The following USHBP1 variants were observed in gnomAD, a reference collection of about 807,000 sequenced individuals.
USHBP1 encodes harmonin-binding protein USHBP1.
USHBP1 carries 67 observed loss-of-function variants against 76.2 expected under a neutral mutation model. That is an observed-to-expected ratio of 0.88 (90% CI 0.72 to 1.08). The LOEUF is 1.08. USHBP1 is among the 50% of genes least tolerant of loss of function. The pLI, the probability that USHBP1 is intolerant of heterozygous loss-of-function variation, is 0.00. For missense variants in USHBP1, 931 were observed against 915.0 expected (o/e 1.02, Z -0.23); for synonymous variants, 322 against 362.2 (o/e 0.89, Z 1.26).
At position 17,256,708 on chromosome 19, in the gene USHBP1, G is replaced by A; in HGVS notation, c.1233C>T (p.Ser411=). 1.2e-6 allele frequency: 2 copies of A among 1,614,150 alleles called. No homozygotes were observed. Among genetic ancestry groups the A allele is most frequent in the Non-Finnish European group, 1.7e-6 (2 of 1,180,020 alleles). ...QQNPQPSPEG[S]SVDKPTPQEV... ...CCTGTGGGGTGGGCTTATCCACACT[G>A]CTGCCTTCAGGGCTATAGAAAACAG... The change falls in exon 9 of 13, where the codon AGC becomes AGT. Residue 411 remains serine (S), a synonymous_variant. Transcript: ENST00000252597.
Position 17,250,432 on chromosome 19 carries a change from C to T in USHBP1, c.1923-18G>A. ...CCAGGGCGCTGGAAGGGGTGGGTGG[C>T]TGGGTCAGGAAACAGCCCCCGAGTC... On this transcript the variant is annotated intron_variant, in intron 12 of 12. Coordinates refer to ENST00000252597, the MANE Select transcript of USHBP1 (RefSeq NM_031941.4). The T allele has an allele frequency of 6.2e-7, 1 of 1,607,186 alleles. No homozygotes were observed. Among genetic ancestry groups the T allele is most frequent in the Non-Finnish European group, 8.5e-7 (1 of 1,178,986 alleles).
intron 12 of USHBP1, 48 bp downstream of exon 12, chr19:17,251,534 G>C (rs201713430): frequency 9.4e-5 from 152 of 1,608,770 alleles, no homozygotes; most frequent in Middle Eastern, 3.3e-4. Flanking sequence ...CTGATATCCT[G>C]GTGGGGGATG....
Position 17,260,043 on chromosome 19 carries a change from G to A in USHBP1, c.643-21C>T, listed in dbSNP as rs375457161. On this transcript the variant is annotated intron_variant, in intron 4 of 12. Coordinates refer to ENST00000252597, the MANE Select transcript of USHBP1 (RefSeq NM_031941.4). ...TGAACCTGGGAAAGATGAGGGGGAC[G>A]TCAGGCCTAGGGGCTCAAACCAACC... 2.3e-5 allele frequency: 37 copies of A among 1,607,982 alleles called. No individual in the cohort carries two copies. The East Asian group carries it at 4.5e-4, about 19-fold the overall frequency.
At position 17,255,501 on chromosome 19, in the gene USHBP1, G is replaced by A. The variant is rs1335842209; in HGVS notation, c.1576C>T (p.Leu526Phe). The part of the protein sequence containing the change: ...ALRALGPAHV[L>F]LLEQLRWERA... ...TCCCACCGCAGCTGCTCCAGCAGGA[G>A]CACGTGAGCTGGACCCAGGGCTCGG... Residue 526 changes from leucine to phenylalanine, a missense_variant, in exon 10 of 13, where the codon CTC (leucine) becomes TTC (phenylalanine). Transcript: ENST00000252597. The A allele has an allele frequency of 1.2e-6, 2 of 1,613,830 alleles. No individual in the cohort carries two copies. The highest frequency in any genetic ancestry group is 1.7e-6 in the Non-Finnish European group (2 of 1,179,908).
In USHBP1 at chr19:17,250,303, C is replaced by T. The variant is rs1398755429; in HGVS notation, c.2034G>A (p.Val678=). The T allele has an allele frequency of 6.2e-7, 1 of 1,613,370 alleles. No individual in the cohort carries two copies. The highest frequency in any genetic ancestry group is 1.3e-5 in the African/African-American group (1 of 74,920). ...MEAQQAEEVA[V]LEATARALGK... ...CCAGGGCCCTTGCAGTGGCTTCGAG[C>T]ACCGCCACCTCCTCGGCCTGCTGAG... Residue 678 remains valine (V), a synonymous_variant, in exon 13 of 13, where the codon GTG becomes GTA. Coordinates refer to ENST00000252597, the MANE Select transcript of USHBP1 (RefSeq NM_031941.4).
intron 10 of USHBP1, among the ~76,000 whole-genome samples, chr19:17,254,823 G>A (rs1001445109): frequency 3.3e-5 from 5 of 152,098 alleles, no homozygotes; most frequent in South Asian, 2.1e-4. Flanking sequence ...ACAGGAAACC[G>A]CATCTGAAGT....
chr19:17,256,521 G>C lies in USHBP1; in HGVS notation c.1420C>G (p.Leu474Val). The change falls in exon 9 of 13, where the codon CTT (leucine) becomes GTT (valine). Residue 474 changes from leucine (L) to valine (V), a missense_variant. Leu to Val is a conservative substitution (Grantham distance 32, BLOSUM62 1). Transcript: ENST00000252597. ...ATTTGTGTCTTCTCCAGTCGGGGAA[G>C]AGCTGGGCCAGCCTGGGTCCCCAGA... ...AILGTQAGPA[L>V]PRLEKTQIQQ... The C allele has an allele frequency of 6.2e-7, 1 of 1,614,070 alleles. No individual in the cohort carries two copies. Among genetic ancestry groups the C allele is most frequent in the Non-Finnish European group, 8.5e-7 (1 of 1,180,026 alleles).
chr19:17,262,333 G>T (rs2073698891), intron 4 of USHBP1, among the ~76,000 whole-genome samples: 1 of 151,860 alleles, frequency 6.6e-6, no homozygotes, highest in Non-Finnish European at 1.5e-5. Flanking sequence ...TTTTTGCAGA[G>T]GTGGCAGTCT....
In USHBP1 at chr19:17,251,591, T is replaced by C; in HGVS notation, c.1913A>G (p.Lys638Arg). ...QSAELNRDLC[K>R]AHSALVLAFR... ...TGCAGAACAGTCCTACCTGTGGGCT[T>C]TGCATAAATCCCTGTTCAGCTCGGC... is the stretch of plus-strand genomic sequence containing the variant. Residue 638 changes from lysine (K) to arginine (R), a missense_variant, in exon 12 of 13, where the codon AAA becomes AGA. Coordinates refer to ENST00000252597, the MANE Select transcript of USHBP1 (RefSeq NM_031941.4). 1 of 1,613,836 alleles carries C rather than the reference T, an allele frequency of 6.2e-7. No individual in the cohort carries two copies. The highest frequency in any genetic ancestry group is 8.5e-7 in the Non-Finnish European group (1 of 1,179,870).
intron 11 of USHBP1, 29 bp from the exon 12 acceptor site, chr19:17,251,733 A>G (rs781056349): frequency 6.2e-7 from 1 of 1,609,692 alleles, no homozygotes; most frequent in Non-Finnish European, 8.5e-7. Context: ...GAGGGGGCTC[A>G]CAGCCCCAGC....
At chr19:17,251,381 C>T (rs1226322376) in intron 12 of USHBP1, among the ~76,000 whole-genome samples, 1 of 152,080 alleles carries the variant, frequency 6.6e-6, no homozygotes, top group Non-Finnish European at 1.5e-5. Context: ...CCAGGCTGGT[C>T]TCAAACTCCT....
At position 17,262,725 on chromosome 19, in the gene USHBP1, C is replaced by T. The variant is rs1046254343; in HGVS notation, c.469G>A (p.Ala157Thr). Residue 157 changes from alanine to threonine, a missense_variant, in exon 4 of 13, where the codon GCA becomes ACA. Coordinates refer to ENST00000252597, the MANE Select transcript of USHBP1 (RefSeq NM_031941.4). ...CCTTCCTGCTTCCCAAGGGAACCTG[C>T]TCCCCCTTCGCTTGTGCCTTCGAAC... is the stretch of plus-strand genomic sequence containing the variant. Reference protein sequence around the residue: ...MEFEGTSEGGAGSLGKQEGAG... With the variant: ...MEFEGTSEGGTGSLGKQEGAG... 6.2e-7 allele frequency: 1 copy of T among 1,614,256 alleles called. No homozygotes were observed. Among genetic ancestry groups the T allele is most frequent in the Middle Eastern group, 1.6e-4 (1 of 6,062 alleles).
chr19:17,257,558 C>A (rs941481494), intron 8 of USHBP1, among the ~76,000 whole-genome samples: 1 of 148,610 alleles, frequency 6.7e-6, no homozygotes, highest in Non-Finnish European at 1.5e-5. Flanking sequence ...AGGAGAATCC[C>A]TTGAACCCGG....
Position 17,249,661 on chromosome 19 carries a change from T to G in USHBP1, c.*564A>C, listed in dbSNP as rs2073526927. 6.5e-6 allele frequency: 1 copy of G among 153,866 alleles called. No individual in the cohort carries two copies. Among genetic ancestry groups the G allele is most frequent in the Admixed American group, 6.5e-5 (1 of 15,404 alleles). The allele number at this position is 153,866 out of a possible 1,614,324, so 9.5% of individuals were successfully genotyped here. A position where few individuals can be genotyped will look rare whatever the true frequency, so the allele number is the denominator to read the frequency against. On this transcript the variant is annotated 3_prime_UTR_variant, in exon 13 of 13. Coordinates refer to ENST00000252597, the MANE Select transcript of USHBP1 (RefSeq NM_031941.4). ...CACCACGCCTGGCTAATTTTTGTAT[T>G]TTTTTGTAGAAATGGGGTTTTGCCA...
At position 17,264,225 on chromosome 19, in the gene USHBP1, A is replaced by AG. The variant is rs1234516146; in HGVS notation, c.54+20dup. Reference sequence around the variant, plus strand: ...TGGGGTCCCCAGGATCTGGGTGTGGAGGGGAGAGGGTGACACTTACGGGTG... The same window carrying AG: ...TGGGGTCCCCAGGATCTGGGTGTGGAGGGGGAGAGGGTGACACTTACGGGTG... On this transcript the variant is annotated intron_variant, in intron 2 of 12. Coordinates refer to ENST00000252597, the MANE Select transcript of USHBP1 (RefSeq NM_031941.4). 3 of 1,613,550 alleles carry AG rather than the reference A, an allele frequency of 1.9e-6. No homozygotes were observed. The African/African-American group carries it at 4.0e-5, about 22-fold the overall frequency.
In USHBP1 at chr19:17,258,323, C is replaced by T. The variant is rs2073646087; in HGVS notation, c.1109G>A (p.Gly370Glu). The T allele has an allele frequency of 1.9e-6, 3 of 1,613,986 alleles. No individual in the cohort carries two copies. The African/African-American group carries it at 4.0e-5, about 22-fold the overall frequency. ...CAGGTCACTCATGGGGGCTTCGTCT[C>T]CTGCTCCTGAGTCGGCCTCCCGCAG... ...LALREADSGA[G>E]DEAPMSDLQA... is the part of the protein sequence containing the mutation. The change falls in exon 8 of 13, where the codon GGA (glycine) becomes GAA (glutamate). Residue 370 changes from glycine to glutamate, a missense_variant. By Grantham distance (98) the Gly-to-Glu change is moderately conservative (BLOSUM62 -2). Transcript: ENST00000252597.
At chr19:17,257,347 A>G (rs2073632782) in intron 8 of USHBP1, among the ~76,000 whole-genome samples, 1 of 147,452 alleles carries the variant, frequency 6.8e-6, no homozygotes. Flanking sequence ...CCGTCTTCAT[A>G]AAAAATTAGC....
chr19:17,254,610 C>T (rs898476296), intron 10 of USHBP1, among the ~76,000 whole-genome samples: 14 of 148,042 alleles, frequency 9.5e-5, no homozygotes, highest in East Asian at 2.1e-4. Context: ...AAGCCAAGAT[C>T]GGGCCATTGC....
In USHBP1 at chr19:17,256,512, G is replaced by A; in HGVS notation, c.1429C>T (p.Leu477=). ...GTQAGPALPR[L]EKTQIQQDLV... The stretch of plus-strand genomic sequence containing the variant: ...TCCTGCTGAATTTGTGTCTTCTCCA[G>A]TCGGGGAAGAGCTGGGCCAGCCTGG... Residue 477 remains leucine, a synonymous_variant, in exon 9 of 13, where the codon CTG becomes TTG. Coordinates refer to ENST00000252597, the MANE Select transcript of USHBP1 (RefSeq NM_031941.4). 2 of 1,613,932 alleles carry A rather than the reference G, an allele frequency of 1.2e-6. No homozygotes were observed. Among genetic ancestry groups the A allele is most frequent in the Non-Finnish European group, 1.7e-6 (2 of 1,180,024 alleles).
Sources: allele counts gnomAD v4.1 joint callset (sites outside exome capture counted in the v4.1 genomes callset), GRCh38; gene constraint gnomAD v4.1.1; transcripts MANE v1.5; gene names NCBI Gene and HGNC (gene_info 2026-07-23, HGNC 2026-07-21).